The following TNFAIP8L1 variants were observed in gnomAD, a reference collection of about 807,000 sequenced individuals.
The protein encoded by TNFAIP8L1 is TNF alpha induced protein 8 like 1, also known as tumor necrosis factor alpha-induced protein 8-like protein 1.
For missense variants in TNFAIP8L1, 225 were observed against 266.1 expected, an observed-to-expected ratio of 0.85 and a Z score of 1.08; for synonymous variants, 127 against 125.6, an observed-to-expected ratio of 1.01 and a Z score of -0.08.
chr19:4,651,272 A>G (rs2088361898), intron 1 of TNFAIP8L1, among the ~76,000 whole-genome samples: 1 of 152,048 alleles, frequency 6.6e-6, no homozygotes, highest in East Asian at 1.9e-4. Context: ...CAGACCCTAC[A>G]GATAGTGGGG....
chr19:4,650,498 G>A (rs912501062), intron 1 of TNFAIP8L1, among the ~76,000 whole-genome samples: 1 of 152,174 alleles, frequency 6.6e-6, no homozygotes, highest in African/African-American at 2.4e-5. Flanking sequence ...TTCCGGAGCT[G>A]CAGGAAGGAG....
chr19:4,652,117 A>G lies in TNFAIP8L1; in HGVS notation c.248A>G (p.Glu83Gly). 6.3e-7 allele frequency: 1 copy of G among 1,587,392 alleles called. No individual in the cohort carries two copies. Among genetic ancestry groups the G allele is most frequent in the Non-Finnish European group, 8.6e-7 (1 of 1,167,184 alleles). The change falls in exon 2 of 2, where the codon GAG becomes GGG. Residue 83 changes from glutamate (E) to glycine (G), a missense_variant. Glu to Gly is a moderately conservative substitution (Grantham distance 98, BLOSUM62 -2). Coordinates refer to ENST00000327473, the MANE Select transcript of TNFAIP8L1 (RefSeq NM_152362.3). Reference protein sequence around the residue: ...LLRGDQLGGEELALLRRFRHR... With the variant: ...LLRGDQLGGEGLALLRRFRHR... Reference sequence around the variant, plus strand: ...CGTGGGGACCAGCTGGGCGGTGAGGAGCTGGCGCTGCTGCGGCGCTTCCGC... The same window carrying G: ...CGTGGGGACCAGCTGGGCGGTGAGGGGCTGGCGCTGCTGCGGCGCTTCCGC...
In TNFAIP8L1 at chr19:4,654,562, G is replaced by C. The variant is rs1402925290; in HGVS notation, c.*2132G>C. The stretch of plus-strand genomic sequence containing the variant: ...TCACCATGTTGCCCAGGATGGTCTC[G>C]AACTCCTGGGCTCAAGCGACCTACC... On this transcript the variant is annotated 3_prime_UTR_variant, in exon 2 of 2. Transcript: ENST00000327473. The C allele has an allele frequency of 6.6e-6, 1 of 152,140 alleles. No homozygotes were observed. Among genetic ancestry groups the C allele is most frequent in the Non-Finnish European group, 1.5e-5 (1 of 68,028 alleles). The allele number at this position is 152,140 out of a possible 1,614,324, so 9.4% of individuals were successfully genotyped here.
intron 1 of TNFAIP8L1, among the ~76,000 whole-genome samples, chr19:4,648,924 CTTTTTTTTTTTT>C (rs10526236): frequency 9.1e-5 from 12 of 132,502 alleles, no homozygotes; most frequent in Non-Finnish European, 1.3e-4. Flanking sequence ...TGCAAACATC[CTTTTTTTTTTTT>C]TTTTTTTTTT....
At position 4,655,319 on chromosome 19, in the gene TNFAIP8L1, C is replaced by G. The variant is rs558674383; in HGVS notation, c.*2889C>G. On this transcript the variant is annotated 3_prime_UTR_variant, in exon 2 of 2. Transcript: ENST00000327473. Reference sequence around the variant, plus strand: ...GCCAGCTGTTCCTACCTCTACCCCACGCTTCCAAGGCAACCTTCTCCACTT... The same window carrying G: ...GCCAGCTGTTCCTACCTCTACCCCAGGCTTCCAAGGCAACCTTCTCCACTT... The G allele has an allele frequency of 1.3e-5, 2 of 152,242 alleles. No homozygotes were observed. The highest frequency in any genetic ancestry group is 6.5e-5 in the Admixed American group (1 of 15,268). 9.4% of individuals were successfully genotyped at this position (152,242 alleles called of 1,614,324 possible).
chr19:4,643,082 C>T (rs2088277863), intron 1 of TNFAIP8L1, among the ~76,000 whole-genome samples: 2 of 151,940 alleles, frequency 1.3e-5, no homozygotes, highest in South Asian at 4.2e-4. Flanking sequence ...AGTTGGAGAC[C>T]AGCCTGACCA....
At position 4,645,351 on chromosome 19, in the gene TNFAIP8L1, C is replaced by T. The variant is rs1263466362; in HGVS notation, c.-4+5722C>T. Among the ~76,000 whole-genome samples the T allele has an allele frequency of 6.6e-6, 1 of 151,928 alleles. No individual in the cohort carries two copies. The highest frequency in any genetic ancestry group is 2.4e-5 in the African/African-American group (1 of 41,348). On this transcript the variant is annotated intron_variant, in intron 1 of 1. Transcript: ENST00000327473. The surrounding 1 kb of genome is among the most constrained non-coding windows in gnomAD (Gnocchi z 4.1). ...TCACTTGAGGCCGGGAGTTAGAGAC[C>T]AGCCTGGCCGACATGGCCAAACCCC...
At position 4,651,882 on chromosome 19, in the gene TNFAIP8L1, A is replaced by T. The variant is rs1474174482; in HGVS notation, c.13A>T (p.Ser5Cys). The change falls in exon 2 of 2, where the codon AGC (serine) becomes TGC (cysteine). Residue 5 changes from serine to cysteine, a missense_variant. Transcript: ENST00000327473. MDTFSTKSLALQAQK... is the reference protein window; with the variant it reads MDTFCTKSLALQAQK... ...TCCCCCGCAGGCCATGGACACCTTC[A>T]GCACCAAGAGCCTGGCTCTGCAGGC... The T allele has an allele frequency of 1.2e-6, 2 of 1,605,078 alleles. No individual in the cohort carries two copies. Among genetic ancestry groups the T allele is most frequent in the Admixed American group, 3.3e-5 (2 of 59,714 alleles).
Position 4,640,811 on chromosome 19 carries a change from CAT to C in TNFAIP8L1, c.-4+1184_-4+1185del, listed in dbSNP as rs1362722533. The C allele has an allele frequency of 2.0e-5, 3 of 152,402 alleles. No homozygotes were observed. The East Asian group carries it at 5.8e-4, about 29-fold the overall frequency. The allele number at this position is 152,402 out of a possible 1,614,324, so 9.4% of individuals were successfully genotyped here. ...AGGTCCGAGGGCGCCAACTTTGAAA[CAT>C]AACAAGCTCCCTGGATGGGCCGGAC... On this transcript the variant is annotated intron_variant, in intron 1 of 1. Coordinates refer to ENST00000327473, the MANE Select transcript of TNFAIP8L1 (RefSeq NM_152362.3).
chr19:4,640,712 C>A (rs2088252306), intron 1 of TNFAIP8L1: 1 of 152,380 alleles, frequency 6.6e-6, no homozygotes, highest in African/African-American at 2.4e-5. Context: ...CTGGCCTCCT[C>A]CTGTTTCTCC....
At position 4,652,657 on chromosome 19, in the gene TNFAIP8L1, A is replaced by G; in HGVS notation, c.*227A>G. 3 of 507,248 alleles carry G rather than the reference A, an allele frequency of 5.9e-6. No individual in the cohort carries two copies. Among genetic ancestry groups the G allele is most frequent in the Non-Finnish European group, 1.0e-5 (3 of 286,706 alleles). 31.4% of individuals were successfully genotyped at this position (507,248 alleles called of 1,614,324 possible). Reference sequence around the variant, plus strand: ...CTCCTGGCCCCCGCCCAATGGGGAGAGGAATTTGGGGCCCTACTCTGGGGA... The same window carrying G: ...CTCCTGGCCCCCGCCCAATGGGGAGGGGAATTTGGGGCCCTACTCTGGGGA... On this transcript the variant is annotated 3_prime_UTR_variant, in exon 2 of 2. Transcript: ENST00000327473.
chr19:4,650,827 C>A (rs1180909552), intron 1 of TNFAIP8L1, among the ~76,000 whole-genome samples: 1 of 152,076 alleles, frequency 6.6e-6, no homozygotes, highest in Non-Finnish European at 1.5e-5. Flanking sequence ...CTGTTATAAA[C>A]CCTGTCGGGG....
chr19:4,649,603 G>A lies in TNFAIP8L1; in HGVS notation c.-3-2264G>A, dbSNP rs184745651. 1.2e-3 allele frequency among the ~76,000 whole-genome samples: 187 copies of A among 152,332 alleles called. 2 individuals are homozygous for A. The highest frequency in any genetic ancestry group is 4.4e-3 in the African/African-American group (181 of 41,572). On this transcript the variant is annotated intron_variant, in intron 1 of 1. Transcript: ENST00000327473. ...AGGGCGTTGAGAGCCAGTGGTTACT[G>A]TATTGCTGTGTGGTCTTGGGGAAGT...
Position 4,653,015 on chromosome 19 carries a change from G to C in TNFAIP8L1, c.*585G>C, listed in dbSNP as rs1056191777. On this transcript the variant is annotated 3_prime_UTR_variant, in exon 2 of 2. Transcript: ENST00000327473. ...CAAGGACTGGGGTCCTTAAAAAAAG[G>C]GGGCCTGGGGCAGGGCGCGGTGGCT... 1 of 167,220 alleles carries C rather than the reference G, an allele frequency of 6.0e-6. No homozygotes were observed. The highest frequency in any genetic ancestry group is 1.5e-5 in the Non-Finnish European group (1 of 68,266). The allele number at this position is 167,220 out of a possible 1,614,324, so 10.4% of individuals were successfully genotyped here.
intron 1 of TNFAIP8L1, among the ~76,000 whole-genome samples, chr19:4,650,586 CAGGGACAGGGGG>C (rs2145172437): frequency 6.6e-6 from 1 of 152,134 alleles, no homozygotes; most frequent in Non-Finnish European, 1.5e-5. Context: ...AAGGAGCAGA[CAGGGACAGGGGG>C]ATGGTTCTGC....
intron 1 of TNFAIP8L1, among the ~76,000 whole-genome samples, chr19:4,648,194 C>T (rs927607402): frequency 1.3e-5 from 2 of 152,232 alleles, no homozygotes; most frequent in Admixed American, 6.5e-5. Flanking sequence ...GGTGTTAACA[C>T]CTGAATCCCA....
chr19:4,652,093 G>A lies in TNFAIP8L1; in HGVS notation c.224G>A (p.Arg75His), dbSNP rs375118206. The change falls in exon 2 of 2, where the codon CGT becomes CAT. Residue 75 changes from arginine (R) to histidine (H), a missense_variant. By Grantham distance (29) the Arg-to-His change is conservative. Transcript: ENST00000327473. ...GCCCTGAAGCTGGGACTGCTGCTGC[G>A]TGGGGACCAGCTGGGCGGTGAGGAG... ...KVALKLGLLL[R>H]GDQLGGEELA... 1.2e-5 allele frequency: 20 copies of A among 1,600,128 alleles called. No individual in the cohort carries two copies. In the African/African-American group the frequency reaches 1.9e-4, roughly 15 times the overall value.
rs2145176437 is a variant in TNFAIP8L1, at chr19:4,653,413, C to G, written c.*983C>G. The G allele has an allele frequency of 6.0e-6, 1 of 166,326 alleles. No individual in the cohort carries two copies. Among genetic ancestry groups the G allele is most frequent in the East Asian group, 2.0e-4 (1 of 5,128 alleles). The allele number at this position is 166,326 out of a possible 1,614,324, so 10.3% of individuals were successfully genotyped here. A position where few individuals can be genotyped will look rare whatever the true frequency, so the allele number is the denominator to read the frequency against. ...GGAAGATTGCTTGAACTCAGAAGTTCAAGACCAGTCTGGGCAACATGGTGA... is the reference window on the plus strand; with the variant it reads ...GGAAGATTGCTTGAACTCAGAAGTTGAAGACCAGTCTGGGCAACATGGTGA... On this transcript the variant is annotated 3_prime_UTR_variant, in exon 2 of 2. Coordinates refer to ENST00000327473, the MANE Select transcript of TNFAIP8L1 (RefSeq NM_152362.3).
rs532454797 is a variant in TNFAIP8L1 at position 4,650,686 on chromosome 19, G to A, written c.-3-1181G>A. On this transcript the variant is annotated intron_variant, in intron 1 of 1. Coordinates refer to ENST00000327473, the MANE Select transcript of TNFAIP8L1 (RefSeq NM_152362.3). ...CCACCTCCCCAGTCCCAGCCTGGACGGGGGCTGTCCAAGTCAATGTTTCCC... is the reference window on the plus strand; with the variant it reads ...CCACCTCCCCAGTCCCAGCCTGGACAGGGGCTGTCCAAGTCAATGTTTCCC... Among the ~76,000 whole-genome samples the A allele has an allele frequency of 2.5e-4, 37 of 148,686 alleles. No individual in the cohort carries two copies. In the South Asian group the frequency reaches 4.8e-3, roughly 19 times the overall value.
Sources: allele counts gnomAD v4.1 joint callset (sites outside exome capture counted in the v4.1 genomes callset), GRCh38; gene constraint gnomAD v4.1.1; non-coding constraint Gnocchi (gnomAD v3.1); transcripts MANE v1.5; gene names NCBI Gene and HGNC (gene_info 2026-07-23, HGNC 2026-07-21).